ZDHHC17: variants seen among roughly 807,000 people sequenced by gnomAD.
ZDHHC17 encodes palmitoyltransferase ZDHHC17.
ZDHHC17 carries 40 observed loss-of-function variants against 90.3 expected under a neutral mutation model. The ratio of observed to expected loss-of-function variants is 0.44; its 90% CI spans 0.34 to 0.58. The LOEUF is 0.58. Ranked by LOEUF, ZDHHC17 falls within the 20% of genes least tolerant of loss-of-function variation. ZDHHC17 has a pLI of 0.01. For missense variants in ZDHHC17, 614 were observed against 780.8 expected (o/e 0.79, Z 2.55); for synonymous variants, 235 against 252.4 (o/e 0.93, Z 0.65).
At chr12:76,779,877 C>CT (rs146884779) in intron 1 of ZDHHC17, among the ~76,000 whole-genome samples, 6,416 of 146,472 alleles carry the variant, frequency 0.044, 288 homozygotes, top group African/African-American at 0.11. Flanking sequence ...CTTCTTTTTT[C>CT]TTTTTTTTTT....
chr12:76,805,194 G>A (rs1952941144), intron 2 of ZDHHC17, 123 bp from the exon 3 acceptor site: 1 of 956,662 alleles, frequency 1.0e-6, no homozygotes, highest in Non-Finnish European at 1.5e-6. Context: ...AATATTCTAT[G>A]TTGAGAAATA....
At chr12:76,821,650 A>C (rs539197684) in intron 7 of ZDHHC17, among the ~76,000 whole-genome samples, 83 of 152,244 alleles carry the variant, frequency 5.5e-4, no homozygotes, top group African/African-American at 2.0e-3. Flanking sequence ...AATAAATGGA[A>C]ATGTAGGTGT....
chr12:76,824,183 A>G lies in ZDHHC17; in HGVS notation c.897+1652A>G, dbSNP rs185171392. Reference sequence around the variant, plus strand: ...TACTTATGGCATTATTAAACTATACATCAGGTTTATGTGTTTGGATATGAT... The same window carrying G: ...TACTTATGGCATTATTAAACTATACGTCAGGTTTATGTGTTTGGATATGAT... On this transcript the variant is annotated intron_variant, in intron 8 of 16. Coordinates refer to ENST00000426126, the MANE Select transcript of ZDHHC17 (RefSeq NM_015336.4). Among the ~76,000 whole-genome samples the G allele has an allele frequency of 3.8e-3, 585 of 152,306 alleles. 4 individuals are homozygous for G. Among genetic ancestry groups the G allele is most frequent in the Middle Eastern group, 0.02 (6 of 294 alleles).
At chr12:76,788,627 T>G (rs1384809330) in intron 1 of ZDHHC17, among the ~76,000 whole-genome samples, 2 of 147,494 alleles carry the variant, frequency 1.4e-5, no homozygotes, top group East Asian at 2.0e-4. Flanking sequence ...CCAAAAGATA[T>G]GAACAGGTAA....
intron 10 of ZDHHC17, chr12:76,840,205 AAAG>A (rs1953415904): frequency 6.6e-6 from 1 of 151,034 alleles, no homozygotes; most frequent in South Asian, 2.1e-4. Flanking sequence ...ACCAAAATTA[AAAG>A]AAGTTTAATT....
At chr12:76,850,220 G>C (rs1306840079) in intron 16 of ZDHHC17, among the ~76,000 whole-genome samples, 1 of 152,036 alleles carries the variant, frequency 6.6e-6, no homozygotes, top group Non-Finnish European at 1.5e-5. Context: ...GTGCGCACCT[G>C]GCCAAAACTG....
rs58051393 is a variant in ZDHHC17 at position 76,829,455 on chromosome 12, CAAAAAAAA to C, written c.1141+987_1141+994del. Among the ~76,000 whole-genome samples, 6 of 71,916 alleles carry C rather than the reference CAAAAAAAA, an allele frequency of 8.3e-5. No individual in the cohort carries two copies. In the South Asian group the frequency reaches 2.6e-3, roughly 31 times the overall value. 47.2% of individuals were successfully genotyped at this position (71,916 alleles called of 152,430 possible). A position where few individuals can be genotyped will look rare whatever the true frequency, so the allele number is the denominator to read the frequency against. On this transcript the variant is annotated intron_variant, in intron 10 of 16. Coordinates refer to ENST00000426126, the MANE Select transcript of ZDHHC17 (RefSeq NM_015336.4). ...TGGGTGACAGAGTGAGACTATGTCT[CAAAAAAAA>C]AAAAAAAAAAAAAAAAAAAAAGAAC...
chr12:76,776,536 A>G (rs1398640850), intron 1 of ZDHHC17, among the ~76,000 whole-genome samples: 1 of 152,000 alleles, frequency 6.6e-6, no homozygotes, highest in Non-Finnish European at 1.5e-5. Flanking sequence ...TAAAATCTGT[A>G]TTTTTCTGAA....
intron 1 of ZDHHC17, chr12:76,781,571 G>A (rs1952627443): frequency 2.2e-6 from 1 of 454,224 alleles, no homozygotes; most frequent in African/African-American, 2.0e-5. Context: ...TAGTCCTCTC[G>A]TTTGCTGTCT....
chr12:76,783,719 C>T (rs913984615), intron 1 of ZDHHC17, among the ~76,000 whole-genome samples: 4 of 152,166 alleles, frequency 2.6e-5, no homozygotes, highest in Non-Finnish European at 2.9e-5. Flanking sequence ...ATAAATGTTA[C>T]CTTATCAGGA....
intron 2 of ZDHHC17, among the ~76,000 whole-genome samples, chr12:76,801,608 C>A (rs1952891508): frequency 2.0e-5 from 3 of 151,822 alleles, no homozygotes; most frequent in African/African-American, 7.3e-5. Context: ...GAGCCGAGAT[C>A]GCGCCACTGT....
At position 76,809,862 on chromosome 12, in the gene ZDHHC17, A is replaced by G. The variant is rs757063546; in HGVS notation, c.543+5A>G. ...TATCTCATAGCAAAAGGACAGGTAA[A>G]AAAAATCTCAGTGGTATGGATTTTA... On this transcript the variant is annotated splice_donor_5th_base_variant and intron_variant, in intron 5 of 16. Transcript: ENST00000426126. 6 of 1,608,434 alleles carry G rather than the reference A, an allele frequency of 3.7e-6. No individual in the cohort carries two copies. The highest frequency in any genetic ancestry group is 3.3e-5 in the South Asian group (3 of 90,100).
chr12:76,811,105 C>T (rs1282634145), intron 5 of ZDHHC17, among the ~76,000 whole-genome samples: 1 of 152,126 alleles, frequency 6.6e-6, no homozygotes, highest in Non-Finnish European at 1.5e-5. Context: ...AGGTCTTGAA[C>T]TGACACAGCA....
At chr12:76,835,503 A>T (rs1953352839) in intron 10 of ZDHHC17, among the ~76,000 whole-genome samples, 1 of 152,002 alleles carries the variant, frequency 6.6e-6, no homozygotes, top group African/African-American at 2.4e-5. Context: ...TTATTTTTAA[A>T]AGAATTTTAA....
intron 14 of ZDHHC17, 148 bp downstream of exon 14, chr12:76,846,827 A>T: frequency 1.5e-6 from 1 of 665,226 alleles, no homozygotes; most frequent in Non-Finnish European, 2.6e-6. Flanking sequence ...GGGAAAAAAG[A>T]TACAGCTCTA....
chr12:76,784,609 A>G (rs76484043), intron 1 of ZDHHC17, among the ~76,000 whole-genome samples: 4,047 of 152,310 alleles, frequency 0.027, 180 homozygotes, highest in Admixed American at 0.12. Context: ...AACGAACACC[A>G]TAGACATCTC....
At chr12:76,776,879 T>G (rs1952566380) in intron 1 of ZDHHC17, among the ~76,000 whole-genome samples, 2 of 152,238 alleles carry the variant, frequency 1.3e-5, no homozygotes, top group South Asian at 4.1e-4. Flanking sequence ...TAACTTTTTA[T>G]TGAGGCATAT....
chr12:76,806,844 C>T (rs1361053019), intron 3 of ZDHHC17, among the ~76,000 whole-genome samples: 6 of 152,352 alleles, frequency 3.9e-5, no homozygotes, highest in East Asian at 3.9e-4. Flanking sequence ...AAATGAACTA[C>T]TTGCTATGTT....
At chr12:76,815,117 TCTGA>T (rs1308675237) in intron 5 of ZDHHC17, 25 bp from the exon 6 acceptor site, 2 of 1,509,058 alleles carry the variant, frequency 1.3e-6, no homozygotes, top group Admixed American at 2.1e-5. Context: ...AATTTAACTG[TCTGA>T]CTTTTTTTCT....
Sources: gnomAD v4.1 joint callset for allele counts (sites outside exome capture counted in the v4.1 genomes callset) on GRCh38, gnomAD v4.1.1 for gene constraint, MANE v1.5 for transcripts, NCBI Gene and HGNC (gene_info 2026-07-23, HGNC 2026-07-21) for gene names.